The following PLXNA4 variants were observed in gnomAD, a reference collection of about 807,000 sequenced individuals.
The protein encoded by PLXNA4 is plexin A4, also known as plexin-A4.
A neutral mutation model predicts 191.8 loss-of-function variants in PLXNA4; 44 were observed. The observed-to-expected ratio is 0.23, with a 90% CI of 0.18 to 0.29. The LOEUF (loss-of-function observed/expected upper bound fraction) is 0.29, where lower values mean the gene tolerates loss of function less well. Among genes scored for constraint, PLXNA4 ranks in the 10% least tolerant of loss-of-function variants. The probability of loss-of-function intolerance (pLI) is 1.00; values close to 1 mark genes in which losing one functional copy is unlikely to be tolerated. For synonymous variants in PLXNA4, 1,082 were observed against 1,009.5 expected (o/e 1.07, Z -1.36); for missense variants, 1,800 against 2,488.8 (o/e 0.72, Z 5.89).
intron 3 of PLXNA4, among the ~76,000 whole-genome samples, chr7:132,376,283 C>T (rs1406998605): frequency 6.6e-6 from 1 of 152,152 alleles, no homozygotes; most frequent in Admixed American, 6.5e-5. Flanking sequence ...GCCTCTATTG[C>T]TCCGCAAGGC....
intron 1 of PLXNA4, among the ~76,000 whole-genome samples, chr7:132,558,961 C>A (rs1800914705): frequency 6.6e-6 from 1 of 152,146 alleles, no homozygotes; most frequent in East Asian, 1.9e-4. Context: ...AAGGCCTTAC[C>A]CGCAGTGGAC....
At chr7:132,178,182 A>G (rs1026975848) in intron 20 of PLXNA4, among the ~76,000 whole-genome samples, 1 of 152,172 alleles carries the variant, frequency 6.6e-6, no homozygotes, top group African/African-American at 2.4e-5. Flanking sequence ...CCTTCCTGCT[A>G]GAGGAAGAAA....
intron 1 of PLXNA4, among the ~76,000 whole-genome samples, chr7:132,562,847 C>G (rs1455798883): frequency 9.1e-6 from 1 of 109,958 alleles, no homozygotes; most frequent in Non-Finnish European, 1.9e-5. Context: ...CCTTCTCTTC[C>G]TTTCTCCTCC....
intron 20 of PLXNA4, among the ~76,000 whole-genome samples, 197 bp from the exon 21 acceptor site, chr7:132,175,117 T>C (rs544433770): frequency 6.6e-6 from 1 of 152,238 alleles, no homozygotes; most frequent in South Asian, 2.1e-4. Context: ...GGGAGAAAGA[T>C]GTAGTGCAAG....
intron 9 of PLXNA4, among the ~76,000 whole-genome samples, chr7:132,213,558 G>GC (rs1797870140): frequency 6.6e-6 from 1 of 152,112 alleles, no homozygotes; most frequent in Non-Finnish European, 1.5e-5. Context: ...TCCATCCTGT[G>GC]CCCCCCACCA....
At chr7:132,464,654 G>C (rs1426797265) in intron 3 of PLXNA4, among the ~76,000 whole-genome samples, 2 of 152,212 alleles carry the variant, frequency 1.3e-5, no homozygotes, top group Non-Finnish European at 2.9e-5. Context: ...TGTGAGGGTA[G>C]GTCCCTAAGA....
chr7:132,640,457 A>G (rs1803719606), intron 2 of PLXNA4, among the ~76,000 whole-genome samples: 1 of 152,222 alleles, frequency 6.6e-6, no homozygotes, highest in Admixed American at 6.5e-5. Context: ...AAATGAGGTC[A>G]TATGACTGGT....
intron 25 of PLXNA4, among the ~76,000 whole-genome samples, chr7:132,154,458 G>C (rs977439688): frequency 2.0e-5 from 3 of 151,424 alleles, no homozygotes; most frequent in Admixed American, 6.6e-5. Flanking sequence ...TGTGACACCT[G>C]GTGCTTAAAA....
intron 27 of PLXNA4, 117 bp from the exon 28 acceptor site, chr7:132,146,817 T>C (rs759756182): frequency 1.6e-5 from 24 of 1,523,656 alleles, no homozygotes; most frequent in Non-Finnish European, 2.0e-5. Flanking sequence ...TTCCTGCCAT[T>C]GGTCGGTGCT....
At chr7:132,512,714 T>C (rs1798773933) in intron 1 of PLXNA4, among the ~76,000 whole-genome samples, 1 of 152,114 alleles carries the variant, frequency 6.6e-6, no homozygotes, top group Admixed American at 6.6e-5. Flanking sequence ...ACCAGCCCCC[T>C]GTCTCCCTGA....
chr7:132,572,637 C>T (rs997233776), intron 1 of PLXNA4, among the ~76,000 whole-genome samples: 2 of 152,224 alleles, frequency 1.3e-5, no homozygotes, highest in African/African-American at 4.8e-5. Context: ...CCATCTCTTA[C>T]CACTCAGCAG....
intron 3 of PLXNA4, among the ~76,000 whole-genome samples, chr7:132,447,932 A>T (rs1390812061): frequency 6.6e-6 from 1 of 152,098 alleles, no homozygotes; most frequent in Non-Finnish European, 1.5e-5. Flanking sequence ...GATTGCTTAA[A>T]CCCAGGAGAC....
At position 132,128,513 on chromosome 7, in the gene PLXNA4, T is replaced by G. The variant is rs912771781; in HGVS notation, c.*1966A>C. ...GTTGAAATGTCCTGAAGCTGCAGGA[T>G]GAATGGATGAGCAAGGGGAAAGAGA... is the stretch of plus-strand genomic sequence containing the variant. On this transcript the variant is annotated 3_prime_UTR_variant, in exon 32 of 32. Coordinates refer to ENST00000321063, the MANE Select transcript of PLXNA4 (RefSeq NM_020911.2). 1 of 150,108 alleles carries G rather than the reference T, an allele frequency of 6.7e-6. No homozygotes were observed. Among genetic ancestry groups the G allele is most frequent in the Non-Finnish European group, 1.5e-5 (1 of 67,680 alleles). 9.3% of individuals were successfully genotyped at this position (150,108 alleles called of 1,614,324 possible). A position where few individuals can be genotyped will look rare whatever the true frequency, so the allele number is the denominator to read the frequency against.
At chr7:132,378,000 G>A (rs143225576) in intron 3 of PLXNA4, among the ~76,000 whole-genome samples, 1 of 152,272 alleles carries the variant, frequency 6.6e-6, no homozygotes, top group East Asian at 1.9e-4. Context: ...TGCTGACATA[G>A]CACTGTTCCC....
chr7:132,527,017 A>C (rs932838223), intron 1 of PLXNA4, among the ~76,000 whole-genome samples: 24 of 152,228 alleles, frequency 1.6e-4, no homozygotes, highest in Middle Eastern at 3.4e-3. Context: ...TATTTATTTC[A>C]CTTTTATCAC....
chr7:132,511,949 AG>A (rs1429155583), intron 1 of PLXNA4, among the ~76,000 whole-genome samples: 1 of 152,204 alleles, frequency 6.6e-6, no homozygotes, highest in Non-Finnish European at 1.5e-5. Flanking sequence ...AGACAGTGTA[AG>A]ACTGGGTCTC....
intron 1 of PLXNA4, among the ~76,000 whole-genome samples, chr7:132,570,042 T>C (rs1264321229): frequency 6.6e-6 from 1 of 152,238 alleles, no homozygotes; most frequent in Non-Finnish European, 1.5e-5. Context: ...ACACAGTTTA[T>C]ATACTTTTGT....
At chr7:132,604,169 C>T (rs1013867109) in intron 2 of PLXNA4, among the ~76,000 whole-genome samples, 3 of 152,082 alleles carry the variant, frequency 2.0e-5, no homozygotes, top group African/African-American at 7.2e-5. Context: ...TAACACAAGC[C>T]AGGCCAATAT....
intron 20 of PLXNA4, among the ~76,000 whole-genome samples, chr7:132,176,846 ATGTGTATGTCTG>A (rs1180382921): frequency 6.6e-6 from 1 of 151,256 alleles, no homozygotes; most frequent in African/African-American, 2.4e-5. Context: ...ATGTGAGTGC[ATGTGTATGTCTG>A]TGTGTATGCA....
Sources: allele counts gnomAD v4.1 joint callset (sites outside exome capture counted in the v4.1 genomes callset), GRCh38; gene constraint gnomAD v4.1.1; transcripts MANE v1.5; gene names NCBI Gene and HGNC (gene_info 2026-07-23, HGNC 2026-07-21).